IMMP2L: variants seen among roughly 807,000 people sequenced by gnomAD.
The protein encoded by IMMP2L is inner mitochondrial membrane peptidase subunit 2, also known as mitochondrial inner membrane protease subunit 2.
IMMP2L carries 18 observed loss-of-function variants against 19.3 expected under a neutral mutation model. That is an observed-to-expected ratio of 0.93 (90% CI 0.64 to 1.38). The LOEUF (loss-of-function observed/expected upper bound fraction) is 1.38, where lower values mean the gene tolerates loss of function less well. Ranked by LOEUF, IMMP2L falls within the 40% of genes most tolerant of loss-of-function variation. The pLI, the probability that IMMP2L is intolerant of heterozygous loss-of-function variation, is 0.00. For missense variants in IMMP2L, 233 were observed against 218.2 expected (o/e 1.07, Z -0.43); for synonymous variants, 76 against 73.0 (o/e 1.04, Z -0.21).
intron 3 of IMMP2L, among the ~76,000 whole-genome samples, chr7:111,305,331 G>A (rs1326149298): frequency 6.6e-6 from 1 of 152,084 alleles, no homozygotes; most frequent in Non-Finnish European, 1.5e-5. Flanking sequence ...TTCCCTGAGT[G>A]CTAAATATTT....
rs947885584 is a variant in IMMP2L, at chr7:110,685,240, A to T, written c.409-21519T>A. On this transcript the variant is annotated intron_variant, in intron 5 of 5. Coordinates refer to ENST00000405709, the MANE Select transcript of IMMP2L (RefSeq NM_032549.4). ...GAGTGAGCATCAGTCACAGACCACAAAGAGCGCAAGCTTTGGAGTCAGAAA... is the reference window on the plus strand; with the variant it reads ...GAGTGAGCATCAGTCACAGACCACATAGAGCGCAAGCTTTGGAGTCAGAAA... Among the ~76,000 whole-genome samples, 5 of 152,252 alleles carry T rather than the reference A, an allele frequency of 3.3e-5. No individual in the cohort carries two copies. In the South Asian group the frequency reaches 1.0e-3, roughly 32 times the overall value.
At chr7:110,922,754 G>T (rs889857852) in intron 4 of IMMP2L, among the ~76,000 whole-genome samples, 1 of 152,046 alleles carries the variant, frequency 6.6e-6, no homozygotes, top group Non-Finnish European at 1.5e-5. Flanking sequence ...TGCAGCCACC[G>T]ATTGTAAGAA....
At chr7:110,968,835 A>G (rs921710948) in intron 3 of IMMP2L, among the ~76,000 whole-genome samples, 1 of 152,142 alleles carries the variant, frequency 6.6e-6, no homozygotes, top group Non-Finnish European at 1.5e-5. Context: ...TAAAAGGTCT[A>G]GCAGGAATTC....
At chr7:111,456,444 C>A (rs992569037) in intron 3 of IMMP2L, among the ~76,000 whole-genome samples, 6 of 151,778 alleles carry the variant, frequency 4.0e-5, no homozygotes, top group Non-Finnish European at 5.9e-5. Flanking sequence ...ATGACAATCT[C>A]AATCAACTAC....
intron 5 of IMMP2L, among the ~76,000 whole-genome samples, chr7:110,674,115 A>T (rs1792115919): frequency 6.6e-6 from 1 of 152,156 alleles, no homozygotes; most frequent in Non-Finnish European, 1.5e-5. Flanking sequence ...GCATGGCTGG[A>T]GAGGCCTCAG....
intron 5 of IMMP2L, among the ~76,000 whole-genome samples, chr7:110,744,791 G>A (rs1039391314): frequency 1.3e-5 from 2 of 152,138 alleles, no homozygotes; most frequent in South Asian, 4.1e-4. Flanking sequence ...TGAAGGTGGG[G>A]AGAAACCAGT....
At chr7:111,154,152 T>C (rs2051797) in intron 3 of IMMP2L, among the ~76,000 whole-genome samples, 113,469 of 152,004 alleles carry the variant, frequency 0.75, 45,334 homozygotes, top group East Asian at 0.91. Flanking sequence ...TAAAGAAGTA[T>C]ATGCTCTATT....
chr7:111,238,723 C>T lies in IMMP2L; in HGVS notation c.239+248515G>A, dbSNP rs1367008248. On this transcript the variant is annotated intron_variant, in intron 3 of 5. Coordinates refer to ENST00000405709, the MANE Select transcript of IMMP2L (RefSeq NM_032549.4). Reference sequence around the variant, plus strand: ...AAGCTGATCTAACACACACTTGTTACATAGAAAAATAGTTCTAATATTTTT... The same window carrying T: ...AAGCTGATCTAACACACACTTGTTATATAGAAAAATAGTTCTAATATTTTT... Among the ~76,000 whole-genome samples the T allele has an allele frequency of 1.3e-5, 2 of 151,936 alleles. 1 individual carries two copies. The highest frequency in any genetic ancestry group is 4.8e-5 in the African/African-American group (2 of 41,416).
chr7:110,856,624 T>C (rs571325292), intron 5 of IMMP2L, among the ~76,000 whole-genome samples: 1 of 152,164 alleles, frequency 6.6e-6, no homozygotes, highest in African/African-American at 2.4e-5. Flanking sequence ...TCAAATCAAT[T>C]TGGCACGTAA....
chr7:110,752,827 T>C (rs1467574328), intron 5 of IMMP2L, among the ~76,000 whole-genome samples: 1 of 152,040 alleles, frequency 6.6e-6, no homozygotes, highest in Non-Finnish European at 1.5e-5. Context: ...AAACCTGAAT[T>C]TGTAGTAAGA....
At chr7:111,097,677 A>G (rs1485545228) in intron 3 of IMMP2L, among the ~76,000 whole-genome samples, 1 of 151,880 alleles carries the variant, frequency 6.6e-6, no homozygotes, top group Admixed American at 6.6e-5. Flanking sequence ...GTATCGCTAT[A>G]TTTATATGCC....
At chr7:111,217,126 T>TCTCTCTCACACA (rs1472700586) in intron 3 of IMMP2L, among the ~76,000 whole-genome samples, 2 of 124,070 alleles carry the variant, frequency 1.6e-5, no homozygotes, top group African/African-American at 6.3e-5. Flanking sequence ...TCTCTCTCTC[T>TCTCTCTCACACA]CACACACACA....
chr7:110,716,036 T>G (rs191327120), intron 5 of IMMP2L, among the ~76,000 whole-genome samples: 10 of 152,200 alleles, frequency 6.6e-5, no homozygotes, highest in African/African-American at 2.4e-4. Context: ...CCTTTTTTCC[T>G]GTTGTTCATT....
At position 110,891,238 on chromosome 7, in the gene IMMP2L, GAA is replaced by G. The variant is rs763078332; in HGVS notation, c.306-4545_306-4544del. Among the ~76,000 whole-genome samples the G allele has an allele frequency of 6.9e-3, 674 of 97,150 alleles. 3 individuals carry two copies. The highest frequency in any genetic ancestry group is 0.023 in the African/African-American group (643 of 28,184). 63.7% of individuals were successfully genotyped at this position (97,150 alleles called of 152,430 possible). A position where few individuals can be genotyped will look rare whatever the true frequency, so the allele number is the denominator to read the frequency against. On this transcript the variant is annotated intron_variant, in intron 4 of 5. Transcript: ENST00000405709. ...TTATCATTGTTAACAGATAGAACCAGAAAAAAAAAAAAAAAATCCACCATCAG... is the reference window on the plus strand; with the variant it reads ...TTATCATTGTTAACAGATAGAACCAGAAAAAAAAAAAAAATCCACCATCAG...
At chr7:111,059,374 A>G (rs1260756368) in intron 3 of IMMP2L, among the ~76,000 whole-genome samples, 4 of 152,234 alleles carry the variant, frequency 2.6e-5, no homozygotes, top group African/African-American at 9.6e-5. Context: ...GTATTGTTTA[A>G]AAGATTTTAA....
At chr7:111,525,111 A>G (rs1846717898) in intron 1 of IMMP2L, among the ~76,000 whole-genome samples, 2 of 152,166 alleles carry the variant, frequency 1.3e-5, no homozygotes, top group South Asian at 2.1e-4. Flanking sequence ...AAGAGTTGTA[A>G]TAAGTGCTAT....
intron 3 of IMMP2L, among the ~76,000 whole-genome samples, chr7:111,129,682 C>T (rs1801664681): frequency 1.3e-5 from 2 of 152,038 alleles, no homozygotes; most frequent in African/African-American, 2.4e-5. Flanking sequence ...TGGGAAAAGA[C>T]AGAACTGACT....
At chr7:111,232,547 C>A (rs1321700996) in intron 3 of IMMP2L, among the ~76,000 whole-genome samples, 1 of 151,960 alleles carries the variant, frequency 6.6e-6, no homozygotes, top group Admixed American at 6.6e-5. Context: ...CCAATAAATT[C>A]TTTTGTTAAC....
intron 5 of IMMP2L, among the ~76,000 whole-genome samples, chr7:110,841,190 G>C (rs1455302639): frequency 6.6e-6 from 1 of 151,682 alleles, no homozygotes; most frequent in South Asian, 2.1e-4. Context: ...TACATTTAAG[G>C]TGCACAACAT....
Sources: allele counts gnomAD v4.1 joint callset (sites outside exome capture counted in the v4.1 genomes callset), GRCh38; gene constraint gnomAD v4.1.1; transcripts MANE v1.5; gene names NCBI Gene and HGNC (gene_info 2026-07-23, HGNC 2026-07-21).